The following FUBP1 variants were observed in gnomAD, a reference collection of about 807,000 sequenced individuals.
The protein encoded by FUBP1 is far upstream element binding protein 1, also known as far upstream element-binding protein 1.
A neutral mutation model predicts 94.9 loss-of-function variants in FUBP1; 16 were observed. The ratio of observed to expected loss-of-function variants is 0.17; its 90% CI spans 0.11 to 0.26. The LOEUF is 0.26. Ranked by LOEUF, FUBP1 falls within the 10% of genes least tolerant of loss-of-function variation. The pLI is 1.00. For synonymous variants in FUBP1, 279 were observed against 254.9 expected, an observed-to-expected ratio of 1.09 and a Z score of -0.90; for missense variants, 583 against 808.6, an observed-to-expected ratio of 0.72 and a Z score of 3.38.
intron 1 of FUBP1, among the ~76,000 whole-genome samples, chr1:77,970,613 T>C (rs1302276369): frequency 1.3e-5 from 2 of 152,226 alleles, no homozygotes; most frequent in Admixed American, 6.5e-5. Flanking sequence ...TTGGACAATG[T>C]TGTTCTAAGG....
chr1:77,977,589 C>A (rs1017703915), intron 1 of FUBP1, among the ~76,000 whole-genome samples: 1 of 152,168 alleles, frequency 6.6e-6, no homozygotes, highest in Non-Finnish European at 1.5e-5. Context: ...ATCCAATGTG[C>A]TGGTTCTGGT....
At chr1:77,963,942 A>G (rs985771152) in intron 12 of FUBP1, 120 bp downstream of exon 12, 2 of 734,240 alleles carry the variant, frequency 2.7e-6, no homozygotes, top group African/African-American at 3.5e-5. Flanking sequence ...AGCAATTTAA[A>G]CTTTCTCCAT....
chr1:77,944,762 C>A lies in FUBP1; in HGVS notation c.*4004G>T, dbSNP rs189436022. On this transcript the variant is annotated 3_prime_UTR_variant, in exon 20 of 20. Coordinates refer to ENST00000370768, the MANE Select transcript of FUBP1 (RefSeq NM_003902.5). ...CAAACCCACCCTTATGAATTAACTA[C>A]CAAGATAATTTGTTTAAAAGATATA... is the stretch of plus-strand genomic sequence containing the variant. Among the ~76,000 whole-genome samples, 23 of 151,858 alleles carry A rather than the reference C, an allele frequency of 1.5e-4. No homozygotes were observed. The highest frequency in any genetic ancestry group is 1.6e-4 in the Non-Finnish European group (11 of 67,798).
chr1:77,967,233 C>G, intron 4 of FUBP1, 132 bp from the exon 5 acceptor site: 1 of 587,546 alleles, frequency 1.7e-6, no homozygotes, highest in Non-Finnish European at 3.0e-6. Flanking sequence ...GGCTCAGACT[C>G]ATGTCAAAAA....
rs1229989164 is a variant in FUBP1, at chr1:77,946,994, T to C, written c.*1772A>G. 4 of 207,838 alleles carry C rather than the reference T, an allele frequency of 1.9e-5. No individual in the cohort carries two copies. The highest frequency in any genetic ancestry group is 2.9e-5 in the Non-Finnish European group (3 of 101,962). 12.9% of individuals were successfully genotyped at this position (207,838 alleles called of 1,614,324 possible). A position where few individuals can be genotyped will look rare whatever the true frequency, so the allele number is the denominator to read the frequency against. On this transcript the variant is annotated 3_prime_UTR_variant, in exon 20 of 20. Transcript: ENST00000370768. ...TGTCCTTGTACCTCTTCCTTTAAAGTATATTCAAAACAACAAATGGTGCTC... is the reference window on the plus strand; with the variant it reads ...TGTCCTTGTACCTCTTCCTTTAAAGCATATTCAAAACAACAAATGGTGCTC...
At chr1:77,953,422 C>T (rs1186085294) in intron 18 of FUBP1, among the ~76,000 whole-genome samples, 2 of 152,178 alleles carry the variant, frequency 1.3e-5, no homozygotes, top group Non-Finnish European at 2.9e-5. Context: ...ACCTGGGAGG[C>T]GGAGGTTGCA....
At chr1:77,978,747 G>A in intron 1 of FUBP1, 138 bp downstream of exon 1, 1 of 1,092,178 alleles carries the variant, frequency 9.2e-7, no homozygotes, top group Non-Finnish European at 1.4e-6. Context: ...TTACCAACAT[G>A]GGGAAACGTG....
intron 18 of FUBP1, among the ~76,000 whole-genome samples, chr1:77,953,321 A>G (rs200396099): frequency 6.6e-6 from 1 of 151,558 alleles, no homozygotes; most frequent in East Asian, 2.0e-4. Context: ...GAAAGCCCGT[A>G]TCTACTAAAT....
Position 77,948,570 on chromosome 1 carries a change from T to A in FUBP1, c.*196A>T. The A allele has an allele frequency of 7.7e-7, 1 of 1,301,842 alleles. No individual in the cohort carries two copies. The allele number at this position is 1,301,842 out of a possible 1,614,324, so 80.6% of individuals were successfully genotyped here. A position where few individuals can be genotyped will look rare whatever the true frequency, so the allele number is the denominator to read the frequency against. ...ATACTAAAAACAAACCAATTTTCATTTCTACACAGAAATATTAACCTCCTA... is the reference window on the plus strand; with the variant it reads ...ATACTAAAAACAAACCAATTTTCATATCTACACAGAAATATTAACCTCCTA... On this transcript the variant is annotated 3_prime_UTR_variant, in exon 20 of 20. Coordinates refer to ENST00000370768, the MANE Select transcript of FUBP1 (RefSeq NM_003902.5).
chr1:77,964,854 ATAAAGTT>A lies in FUBP1; in HGVS notation c.735+9_735+15del, dbSNP rs1557451031. 1.3e-6 allele frequency: 2 copies of A among 1,557,336 alleles called. No homozygotes were observed. Among genetic ancestry groups the A allele is most frequent in the Non-Finnish European group, 1.8e-6 (2 of 1,128,358 alleles). On this transcript the variant is annotated intron_variant, in intron 9 of 19. Transcript: ENST00000370768. ...TCAACCCACTCTTTCTTTATAAAGT[ATAAAGTT>A]AAGTTTACTTGAACTTTATATGGGT...
Position 77,967,678 on chromosome 1 carries a change from TTAAA to T in FUBP1, c.251-16_251-13del. 1.3e-6 allele frequency: 2 copies of T among 1,516,774 alleles called. No homozygotes were observed. The highest frequency in any genetic ancestry group is 1.8e-6 in the Non-Finnish European group (2 of 1,102,018). The allele number at this position is 1,516,774 out of a possible 1,614,324, so 94.0% of individuals were successfully genotyped here. ...CTGTGTTCCAAAAGCTATCAAAAAA[TTAAA>T]TAAAAATAAAACAAAAATTCAAAAT... is the stretch of plus-strand genomic sequence containing the variant. On this transcript the variant is annotated splice_polypyrimidine_tract_variant and intron_variant, in intron 3 of 19. Transcript: ENST00000370768.
chr1:77,972,416 T>C (rs1375141266), intron 1 of FUBP1, among the ~76,000 whole-genome samples: 1 of 152,032 alleles, frequency 6.6e-6, no homozygotes, highest in Non-Finnish European at 1.5e-5. Flanking sequence ...TATACAACTT[T>C]ACCCACTGAA....
At chr1:77,963,485 A>G in intron 13 of FUBP1, 89 bp downstream of exon 13, 1 of 683,760 alleles carries the variant, frequency 1.5e-6, no homozygotes, top group Non-Finnish European at 2.5e-6. Context: ...GGTCAGAGAA[A>G]AAGCATTGCC....
intron 1 of FUBP1, among the ~76,000 whole-genome samples, chr1:77,978,386 T>C (rs886992419): frequency 6.6e-6 from 1 of 152,212 alleles, no homozygotes; most frequent in African/African-American, 2.4e-5. Context: ...TCAAGTCCCT[T>C]CCTTGTAGAG....
chr1:77,977,105 CT>C (rs1658750747), intron 1 of FUBP1, among the ~76,000 whole-genome samples: 1 of 152,240 alleles, frequency 6.6e-6, no homozygotes, highest in Non-Finnish European at 1.5e-5. Context: ...CATATTTTGT[CT>C]GCTCTCGTTA....
intron 1 of FUBP1, among the ~76,000 whole-genome samples, chr1:77,971,779 C>T (rs190709792): frequency 1.3e-5 from 2 of 151,846 alleles, no homozygotes; most frequent in African/African-American, 2.4e-5. Context: ...GAGGCCAAGG[C>T]GGGCAGATCA....
chr1:77,979,105 T>C (rs2102567567), upstream of FUBP1: 1 of 1,199,920 alleles, frequency 8.3e-7, no homozygotes. Flanking sequence ...TATTACATTC[T>C]TGCGCGACCA....
Position 77,948,425 on chromosome 1 carries a change from G to A in FUBP1, c.*341C>T. ...CACAGGAGGTTTCATATCATTTATT[G>A]TAAAGCACAAAACAGGCATTTTAAA... On this transcript the variant is annotated 3_prime_UTR_variant, in exon 20 of 20. Coordinates refer to ENST00000370768, the MANE Select transcript of FUBP1 (RefSeq NM_003902.5). 9.1e-7 allele frequency: 1 copy of A among 1,101,034 alleles called. No individual in the cohort carries two copies. The highest frequency in any genetic ancestry group is 1.1e-6 in the Non-Finnish European group (1 of 900,114). 68.2% of individuals were successfully genotyped at this position (1,101,034 alleles called of 1,614,324 possible).
Position 77,970,030 on chromosome 1 carries a change from G to GA in FUBP1, c.121-16dup, listed in dbSNP as rs754127178. 4.1e-6 allele frequency: 5 copies of GA among 1,213,490 alleles called. No individual in the cohort carries two copies. In the African/African-American group the frequency reaches 6.2e-5, roughly 15 times the overall value. The allele number at this position is 1,213,490 out of a possible 1,614,324, so 75.2% of individuals were successfully genotyped here. On this transcript the variant is annotated splice_polypyrimidine_tract_variant and intron_variant, in intron 1 of 19. Transcript: ENST00000370768. ...TTTGCTGCAATCTAAAAAAAAAAAAGAAAAATACCATCATAAACTATTATA... is the reference window on the plus strand; with the variant it reads ...TTTGCTGCAATCTAAAAAAAAAAAAGAAAAAATACCATCATAAACTATTATA...
Sources: allele counts gnomAD v4.1 joint callset (sites outside exome capture counted in the v4.1 genomes callset), GRCh38; gene constraint gnomAD v4.1.1; transcripts MANE v1.5; gene names NCBI Gene and HGNC (gene_info 2026-07-23, HGNC 2026-07-21).